Variants in RAB8B observed in about 807,000 individuals in gnomAD.
RAB8B encodes ras-related protein Rab-8B.
RAB8B carries 11 observed loss-of-function variants against 32.0 expected under a neutral mutation model. That is an observed-to-expected ratio of 0.34 (90% CI 0.22 to 0.57). The LOEUF (loss-of-function observed/expected upper bound fraction) is 0.57, where lower values mean the gene tolerates loss of function less well. RAB8B is among the 20% of genes least tolerant of loss of function. The pLI is 0.86. For missense variants in RAB8B, 190 were observed against 258.5 expected, an observed-to-expected ratio of 0.73 and a Z score of 1.82; for synonymous variants, 103 against 89.6, an observed-to-expected ratio of 1.15 and a Z score of -0.85.
intron 3 of RAB8B, among the ~76,000 whole-genome samples, chr15:63,253,097 T>C (rs12904712): frequency 0.012 from 1,790 of 152,322 alleles, 12 homozygotes; most frequent in East Asian, 0.018. Flanking sequence ...GTAAATTGCC[T>C]TTACAGCGTG....
At chr15:63,193,606 T>C (rs1210134485) in intron 1 of RAB8B, among the ~76,000 whole-genome samples, 2 of 152,022 alleles carry the variant, frequency 1.3e-5, no homozygotes, top group Non-Finnish European at 2.9e-5. Context: ...GGTCAGGAGA[T>C]TGAGACCATC....
intron 1 of RAB8B, among the ~76,000 whole-genome samples, chr15:63,221,996 C>G (rs1025022735): frequency 4.6e-5 from 7 of 152,204 alleles, no homozygotes; most frequent in African/African-American, 1.7e-4. Context: ...TCAGTTTTCT[C>G]TAATATTCAT....
chr15:63,223,342 C>A (rs180688396), intron 1 of RAB8B, among the ~76,000 whole-genome samples: 1 of 152,240 alleles, frequency 6.6e-6, no homozygotes, highest in East Asian at 1.9e-4. Flanking sequence ...GAACTCCTGA[C>A]CTCAGGTGAT....
intron 1 of RAB8B, among the ~76,000 whole-genome samples, chr15:63,227,713 G>A (rs1452729653): frequency 2.0e-5 from 3 of 152,174 alleles, no homozygotes; most frequent in African/African-American, 7.2e-5. Context: ...TGTTTGTTTT[G>A]TTCTTAACTT....
chr15:63,199,094 C>G (rs985297272), intron 1 of RAB8B, among the ~76,000 whole-genome samples: 1 of 152,200 alleles, frequency 6.6e-6, no homozygotes, highest in Non-Finnish European at 1.5e-5. Flanking sequence ...AACTGTTCCC[C>G]TTTTGGAATG....
chr15:63,227,491 C>T (rs568529533), intron 1 of RAB8B, among the ~76,000 whole-genome samples: 2 of 152,292 alleles, frequency 1.3e-5, no homozygotes, highest in East Asian at 3.9e-4. Context: ...CAGGCAGAAA[C>T]GGGGTAAATG....
intron 1 of RAB8B, among the ~76,000 whole-genome samples, chr15:63,229,199 G>A (rs1315926517): frequency 2.6e-5 from 4 of 152,194 alleles, no homozygotes; most frequent in African/African-American, 4.8e-5. Flanking sequence ...TAAGGGGTGG[G>A]GGAGAGGAGG....
At chr15:63,201,992 C>T (rs186514324) in intron 1 of RAB8B, among the ~76,000 whole-genome samples, 120 of 150,868 alleles carry the variant, frequency 8.0e-4, no homozygotes, top group Admixed American at 2.9e-3. Context: ...GTGGCTCACA[C>T]CTGTAATCCC....
chr15:63,221,986 T>C (rs2037848648), intron 1 of RAB8B, among the ~76,000 whole-genome samples: 1 of 152,208 alleles, frequency 6.6e-6, no homozygotes, highest in Admixed American at 6.5e-5. Context: ...TAGCCCTTGG[T>C]CAGTTTTCTC....
chr15:63,258,733 A>G (rs2038177965), intron 5 of RAB8B, among the ~76,000 whole-genome samples: 1 of 152,150 alleles, frequency 6.6e-6, no homozygotes, highest in African/African-American at 2.4e-5. Flanking sequence ...CACTCTGTAA[A>G]TGAAGTAGTG....
intron 1 of RAB8B, among the ~76,000 whole-genome samples, chr15:63,218,080 T>G (rs1219837611): frequency 3.3e-5 from 5 of 152,148 alleles, no homozygotes; most frequent in Non-Finnish European, 7.3e-5. Context: ...CCATGTATGT[T>G]GTACATGTGG....
At chr15:63,243,198 A>G (rs1047256532) in intron 1 of RAB8B, among the ~76,000 whole-genome samples, 1 of 152,236 alleles carries the variant, frequency 6.6e-6, no homozygotes, top group Non-Finnish European at 1.5e-5. Flanking sequence ...GCAGCAATGC[A>G]AGTAATGGGG....
intron 1 of RAB8B, among the ~76,000 whole-genome samples, chr15:63,218,014 A>G (rs1478049839): frequency 6.6e-6 from 1 of 152,194 alleles, no homozygotes; most frequent in Non-Finnish European, 1.5e-5. Flanking sequence ...TTTCTTATTT[A>G]AAAGGACCAG....
chr15:63,209,409 G>C (rs2141114922), intron 1 of RAB8B, among the ~76,000 whole-genome samples: 1 of 151,850 alleles, frequency 6.6e-6, no homozygotes, highest in Middle Eastern at 3.4e-3. Context: ...TGGCCAACAT[G>C]GTGAAACCCT....
At chr15:63,204,159 T>G (rs2141111576) in intron 1 of RAB8B, among the ~76,000 whole-genome samples, 1 of 152,222 alleles carries the variant, frequency 6.6e-6, no homozygotes, top group East Asian at 1.9e-4. Flanking sequence ...GCGGGAGCAT[T>G]CATTTTGGTT....
chr15:63,252,748 C>CT (rs71447327), intron 3 of RAB8B, among the ~76,000 whole-genome samples: 5,139 of 138,780 alleles, frequency 0.037, 286 homozygotes, highest in African/African-American at 0.12. Flanking sequence ...TTTACTTTGA[C>CT]TTTTTTTTTT....
intron 1 of RAB8B, among the ~76,000 whole-genome samples, chr15:63,219,002 GGATTTTTTTT>G (rs1392256949): frequency 1.5e-5 from 1 of 64,550 alleles, no homozygotes; most frequent in African/African-American, 4.4e-5. Flanking sequence ...TTCCAGCAGT[GGATTTTTTTT>G]TTTTTTTTTT....
intron 1 of RAB8B, among the ~76,000 whole-genome samples, chr15:63,242,456 C>T (rs556080351): frequency 2.0e-5 from 3 of 152,204 alleles, no homozygotes; most frequent in South Asian, 2.1e-4. Flanking sequence ...GGGTGGATCA[C>T]GAGGTCGGTC....
chr15:63,223,524 A>AT (rs2037862541), intron 1 of RAB8B, among the ~76,000 whole-genome samples: 1 of 152,250 alleles, frequency 6.6e-6, no homozygotes. Flanking sequence ...TTGGTACAGT[A>AT]GCATACTATA....
Sources: gnomAD v4.1 joint callset for allele counts (sites outside exome capture counted in the v4.1 genomes callset) on GRCh38, gnomAD v4.1.1 for gene constraint, MANE v1.5 for transcripts, NCBI Gene and HGNC (gene_info 2026-07-23, HGNC 2026-07-21) for gene names.